FHIT: variants seen among roughly 807,000 people sequenced by gnomAD.
FHIT encodes bis(5'-adenosyl)-triphosphatase.
In FHIT, 19 loss-of-function variants were observed where a neutral mutation model predicts 17.9. The ratio of observed to expected loss-of-function variants is 1.06; its 90% confidence interval spans 0.74 to 1.56. The LOEUF (loss-of-function observed/expected upper bound fraction) is 1.56. FHIT is among the 40% of genes most tolerant of loss of function. The probability of loss-of-function intolerance (pLI) is 0.00; values close to 1 mark genes in which losing one functional copy is unlikely to be tolerated. For missense variants in FHIT, 248 were observed against 189.2 expected (o/e 1.31, Z -1.82); for synonymous variants, 81 against 69.7 (o/e 1.16, Z -0.81).
intron 3 of FHIT, among the ~76,000 whole-genome samples, chr3:60,915,025 T>C (rs184385524): frequency 2.6e-4 from 39 of 152,350 alleles, no homozygotes; most frequent in Admixed American, 9.2e-4. Flanking sequence ...CACTACATAG[T>C]TCATACACCT....
Position 60,859,723 on chromosome 3 carries a change from A to ATT in FHIT, c.-110-37714_-110-37713dup, listed in dbSNP as rs71092647. 1.3e-4 allele frequency among the ~76,000 whole-genome samples: 7 copies of ATT among 51,886 alleles called. 1 individual carries two copies. The highest frequency in any genetic ancestry group is 5.3e-4 in the African/African-American group (7 of 13,196). The allele number at this position is 51,886 out of a possible 152,430, so 34.0% of individuals were successfully genotyped here. A position where few individuals can be genotyped will look rare whatever the true frequency, so the allele number is the denominator to read the frequency against. ...ACATTTGCAGTGGATTCTGAATACG[A>ATT]TTTTTTTTTTTTTTTTTTTTTTTTT... is the stretch of plus-strand genomic sequence containing the variant. On this transcript the variant is annotated intron_variant, in intron 3 of 9. Coordinates refer to ENST00000492590, the MANE Select transcript of FHIT (RefSeq NM_002012.4).
At chr3:60,937,571 T>TC (rs1428777829) in intron 3 of FHIT, among the ~76,000 whole-genome samples, 1 of 147,306 alleles carries the variant, frequency 6.8e-6, no homozygotes, top group African/African-American at 2.5e-5. Flanking sequence ...TCTTTTCTTT[T>TC]TTTTTTTTTT....
intron 5 of FHIT, among the ~76,000 whole-genome samples, chr3:60,491,259 C>CTATATGATTTTTATT (rs2034052197): frequency 6.6e-6 from 1 of 152,076 alleles, no homozygotes; most frequent in Non-Finnish European, 1.5e-5. Flanking sequence ...AAAATAGAGT[C>CTATATGATTTTTATT]AACCAAACCG....
At chr3:60,905,248 T>TA (rs1282550678) in intron 3 of FHIT, among the ~76,000 whole-genome samples, 4 of 152,274 alleles carry the variant, frequency 2.6e-5, no homozygotes, top group Admixed American at 2.0e-4. Context: ...ATTGAGATAC[T>TA]ATTTCTTGCC....
chr3:60,073,149 C>T (rs1702854143), intron 5 of FHIT, among the ~76,000 whole-genome samples: 1 of 152,140 alleles, frequency 6.6e-6, no homozygotes, highest in Non-Finnish European at 1.5e-5. Flanking sequence ...ATTGTGTTAG[C>T]AAGTTGCTTG....
At chr3:60,965,114 G>C (rs1709657659) in intron 3 of FHIT, among the ~76,000 whole-genome samples, 1 of 152,000 alleles carries the variant, frequency 6.6e-6, no homozygotes, top group East Asian at 1.9e-4. Flanking sequence ...ATATTTCCTG[G>C]AGGCTTTGTT....
chr3:60,368,810 T>G (rs532511713), intron 5 of FHIT, among the ~76,000 whole-genome samples: 3 of 152,296 alleles, frequency 2.0e-5, no homozygotes, highest in Non-Finnish European at 4.4e-5. Flanking sequence ...TGCATTTATA[T>G]TTAAGTGTGT....
At chr3:61,090,423 G>A (rs2035444720) in intron 2 of FHIT, among the ~76,000 whole-genome samples, 1 of 152,222 alleles carries the variant, frequency 6.6e-6, no homozygotes, top group Admixed American at 6.5e-5. Flanking sequence ...CAAGGCTTCT[G>A]CCTTTGTAGG....
At chr3:60,649,724 T>A (rs781989320) in intron 4 of FHIT, among the ~76,000 whole-genome samples, 53 of 152,214 alleles carry the variant, frequency 3.5e-4, no homozygotes, top group Non-Finnish European at 6.6e-4. Flanking sequence ...TGATATTTTT[T>A]AATATTTTTC....
intron 2 of FHIT, among the ~76,000 whole-genome samples, chr3:61,046,846 A>C (rs2033812576): frequency 6.6e-6 from 1 of 152,234 alleles, no homozygotes; most frequent in African/African-American, 2.4e-5. Context: ...ACATATGCAA[A>C]TCAAAAAACG....
In FHIT at chr3:60,081,996, C is replaced by T. The variant is rs189730664; in HGVS notation, c.104-67844G>A. On this transcript the variant is annotated intron_variant, in intron 5 of 9. Transcript: ENST00000492590. ...TAATTTCAACTTTTATTTTTGATTTCGGGGTGCACATGTGGGTTTGTTCCA... is the reference window on the plus strand; with the variant it reads ...TAATTTCAACTTTTATTTTTGATTTTGGGGTGCACATGTGGGTTTGTTCCA... Among the ~76,000 whole-genome samples, 46 of 151,710 alleles carry T rather than the reference C, an allele frequency of 3.0e-4. No homozygotes were observed. The East Asian group carries it at 4.3e-3, about 14-fold the overall frequency.
intron 5 of FHIT, among the ~76,000 whole-genome samples, chr3:60,222,330 C>T (rs1704000895): frequency 6.6e-6 from 1 of 152,182 alleles, no homozygotes; most frequent in South Asian, 2.1e-4. Context: ...CTACCCTCCC[C>T]TCCCTGTTCT....
chr3:59,863,331 G>A (rs530404737), intron 8 of FHIT, among the ~76,000 whole-genome samples: 2 of 152,268 alleles, frequency 1.3e-5, no homozygotes, highest in East Asian at 3.9e-4. Context: ...CTAAATTATT[G>A]GTGGTTTGGT....
chr3:60,562,818 C>G (rs1179910521), intron 4 of FHIT, among the ~76,000 whole-genome samples: 1 of 152,120 alleles, frequency 6.6e-6, no homozygotes, highest in African/African-American at 2.4e-5. Context: ...CAAGCCTGGC[C>G]TCTATCAGTC....
At chr3:59,994,443 C>G (rs1444582841) in intron 7 of FHIT, among the ~76,000 whole-genome samples, 7 of 152,036 alleles carry the variant, frequency 4.6e-5, no homozygotes, top group African/African-American at 1.7e-4. Context: ...AGAACTCATT[C>G]TTCCCTGGAA....
chr3:60,400,189 T>G (rs1701606110), intron 5 of FHIT, among the ~76,000 whole-genome samples: 1 of 152,150 alleles, frequency 6.6e-6, no homozygotes, highest in Non-Finnish European at 1.5e-5. Flanking sequence ...TGAGTTGGAA[T>G]CTGTAGAACA....
intron 4 of FHIT, among the ~76,000 whole-genome samples, chr3:60,556,841 TC>T (rs1250127060): frequency 1.3e-5 from 2 of 152,214 alleles, no homozygotes; most frequent in Non-Finnish European, 2.9e-5. Context: ...TTGAACACTG[TC>T]TAGGAAATAC....
At chr3:60,486,998 G>T (rs1156253538) in intron 5 of FHIT, among the ~76,000 whole-genome samples, 1 of 152,184 alleles carries the variant, frequency 6.6e-6, no homozygotes, top group Non-Finnish European at 1.5e-5. Flanking sequence ...CAAGCAGACT[G>T]GCTTGCTATA....
intron 5 of FHIT, among the ~76,000 whole-genome samples, chr3:60,263,387 C>T (rs1206886039): frequency 6.6e-6 from 1 of 151,926 alleles, no homozygotes; most frequent in African/African-American, 2.4e-5. Context: ...CCAATAGACT[C>T]ATCTATGAAA....
Sources: gnomAD v4.1 joint callset for allele counts (sites outside exome capture counted in the v4.1 genomes callset) on GRCh38, gnomAD v4.1.1 for gene constraint, MANE v1.5 for transcripts, NCBI Gene and HGNC (gene_info 2026-07-23, HGNC 2026-07-21) for gene names.